Variants in ANK3 observed in about 807,000 individuals in gnomAD.
ANK3 encodes the protein ankyrin-3.
In ANK3, 57 loss-of-function variants were observed where a neutral mutation model predicts 370.9. The observed-to-expected ratio is 0.15, with a 90% CI of 0.12 to 0.19. The LOEUF (loss-of-function observed/expected upper bound fraction) is 0.19. ANK3 is among the 10% of genes least tolerant of loss of function. The pLI is 1.00. For missense variants in ANK3, 4,439 were observed against 5,302.1 expected, an observed-to-expected ratio of 0.84 and a Z score of 5.06; for synonymous variants, 1,929 against 1,946.3, an observed-to-expected ratio of 0.99 and a Z score of 0.23.
At chr10:60,722,430 T>C (rs930138543) in intron 1 of ANK3, among the ~76,000 whole-genome samples, 9 of 151,826 alleles carry the variant, frequency 5.9e-5, no homozygotes, top group African/African-American at 1.9e-4. Context: ...GGCAACAAAA[T>C]GAGATCTTGT....
chr10:60,296,168 C>T (rs1229784329), intron 1 of ANK3, among the ~76,000 whole-genome samples: 1 of 152,198 alleles, frequency 6.6e-6, no homozygotes, highest in African/African-American at 2.4e-5. Flanking sequence ...TGCTACCTTG[C>T]TTTAGTTCTC....
chr10:60,183,979 A>G (rs1052990231), intron 17 of ANK3, among the ~76,000 whole-genome samples: 4 of 152,198 alleles, frequency 2.6e-5, no homozygotes, highest in Admixed American at 6.5e-5. Flanking sequence ...TGCAAAACCT[A>G]TATGGGAAAA....
At chr10:60,091,612 A>G (rs1441247755) in intron 28 of ANK3, among the ~76,000 whole-genome samples, 1 of 152,178 alleles carries the variant, frequency 6.6e-6, no homozygotes, top group Non-Finnish European at 1.5e-5. Context: ...GGAGGATAGG[A>G]GGGAGCCAGA....
chr10:60,624,443 G>A (rs2078380691), intron 1 of ANK3, among the ~76,000 whole-genome samples: 1 of 152,108 alleles, frequency 6.6e-6, no homozygotes, highest in Admixed American at 6.5e-5. Context: ...AAGAACAACT[G>A]GAAGCTTGGA....
chr10:60,697,546 C>A (rs987292682), intron 1 of ANK3, among the ~76,000 whole-genome samples: 1 of 147,514 alleles, frequency 6.8e-6, no homozygotes, highest in Admixed American at 6.8e-5. Context: ...GTACTGGTAC[C>A]AAAACAGAGA....
chr10:60,602,588 T>C (rs546995755), intron 2 of ANK3, among the ~76,000 whole-genome samples: 5 of 152,240 alleles, frequency 3.3e-5, no homozygotes, highest in Admixed American at 6.6e-5. Flanking sequence ...GCCCATGTAA[T>C]CAGAGGTTCT....
intron 2 of ANK3, among the ~76,000 whole-genome samples, chr10:60,530,673 C>G (rs1432053433): frequency 6.6e-6 from 1 of 152,130 alleles, no homozygotes; most frequent in Non-Finnish European, 1.5e-5. Context: ...TGGCCTTGGG[C>G]ACCCCTAACC....
intron 2 of ANK3, among the ~76,000 whole-genome samples, chr10:60,469,104 A>T (rs1287730477): frequency 5.3e-5 from 1 of 18,718 alleles, no homozygotes; most frequent in Non-Finnish European, 9.8e-5. Context: ...TACCACTTTT[A>T]GTATATATAT....
chr10:60,153,791 C>T (rs2132256890), intron 23 of ANK3, among the ~76,000 whole-genome samples: 1 of 152,242 alleles, frequency 6.6e-6, no homozygotes, highest in Admixed American at 6.5e-5. Context: ...CCTTGAGATG[C>T]AGATATGCTT....
At chr10:60,039,098 C>CA (rs1554820427) in intron 43 of ANK3, among the ~76,000 whole-genome samples, 66 of 152,228 alleles carry the variant, frequency 4.3e-4, no homozygotes, top group African/African-American at 1.6e-3. Context: ...TCCAGAAAGA[C>CA]AGGGACCATG....
intron 2 of ANK3, among the ~76,000 whole-genome samples, chr10:60,423,103 A>G (rs2063811087): frequency 6.6e-6 from 1 of 151,976 alleles, no homozygotes; most frequent in Non-Finnish European, 1.5e-5. Context: ...CCTCCAGATA[A>G]TTTTAAAAGA....
intron 7 of ANK3, among the ~76,000 whole-genome samples, chr10:60,256,847 C>G (rs530076106): frequency 7.2e-5 from 11 of 152,226 alleles, no homozygotes; most frequent in African/African-American, 2.6e-4. Flanking sequence ...TATATATGTA[C>G]CACATTTTCT....
At chr10:60,314,398 T>C (rs1342680256) in intron 1 of ANK3, among the ~76,000 whole-genome samples, 1 of 152,210 alleles carries the variant, frequency 6.6e-6, no homozygotes, top group Non-Finnish European at 1.5e-5. Context: ...TGGAGAGAGC[T>C]TGCAGGACAT....
intron 42 of ANK3, chr10:60,043,009 A>T (rs1397267729): frequency 7.9e-7 from 1 of 1,270,648 alleles, no homozygotes; most frequent in Non-Finnish European, 9.9e-7. Context: ...GTTAGTGATA[A>T]ATCAAAATAA....
intron 2 of ANK3, among the ~76,000 whole-genome samples, chr10:60,560,683 C>T (rs915482583): frequency 6.6e-6 from 1 of 152,156 alleles, no homozygotes; most frequent in African/African-American, 2.4e-5. Flanking sequence ...AATAACACCA[C>T]ATTTGTAGTA....
intron 23 of ANK3, among the ~76,000 whole-genome samples, chr10:60,155,584 T>C (rs905370183): frequency 1.3e-5 from 2 of 152,196 alleles, no homozygotes; most frequent in African/African-American, 4.8e-5. Flanking sequence ...TCAATTCGAT[T>C]GGATTGAAGG....
chr10:60,266,275 T>C (rs1476422683), intron 5 of ANK3, among the ~76,000 whole-genome samples: 1 of 152,200 alleles, frequency 6.6e-6, no homozygotes, highest in Non-Finnish European at 1.5e-5. Context: ...TTCATAAAGG[T>C]ACATACATGT....
chr10:60,042,271 C>G (rs994455312), intron 43 of ANK3, among the ~76,000 whole-genome samples: 2 of 152,186 alleles, frequency 1.3e-5, no homozygotes, highest in African/African-American at 4.8e-5. Context: ...AGATGCCGTT[C>G]TGCTAAAATG....
chr10:60,283,621 T>C (rs1410270731), intron 1 of ANK3, among the ~76,000 whole-genome samples: 1 of 152,186 alleles, frequency 6.6e-6, no homozygotes, highest in Admixed American at 6.5e-5. Flanking sequence ...CCTGTCTACT[T>C]AGTCATTTTA....
Sources: gnomAD v4.1 joint callset for allele counts (sites outside exome capture counted in the v4.1 genomes callset) on GRCh38, gnomAD v4.1.1 for gene constraint, MANE v1.5 for transcripts, NCBI Gene and HGNC (gene_info 2026-07-23, HGNC 2026-07-21) for gene names.